Variants in SH3GL2 observed in about 807,000 individuals in gnomAD.
SH3GL2 encodes the protein SH3 domain containing GRB2 like 2, endophilin A1.
Under a neutral mutation model 46.0 loss-of-function variants are expected in SH3GL2, and 24 were observed. The ratio of observed to expected loss-of-function variants is 0.52; its 90% CI spans 0.38 to 0.73. The LOEUF (loss-of-function observed/expected upper bound fraction) is 0.73, where lower values mean the gene tolerates loss of function less well. SH3GL2 is among the 30% of genes least tolerant of loss of function. SH3GL2 has a pLI of 0.00. For synonymous variants in SH3GL2, 196 were observed against 147.1 expected, an observed-to-expected ratio of 1.33 and a Z score of -2.40; for missense variants, 413 against 424.2, an observed-to-expected ratio of 0.97 and a Z score of 0.23.
intron 1 of SH3GL2, among the ~76,000 whole-genome samples, chr9:17,649,081 C>T (rs901765821): frequency 6.6e-6 from 1 of 152,048 alleles, no homozygotes; most frequent in African/African-American, 2.4e-5. Flanking sequence ...AAGGATTAAT[C>T]GTAAGGTTCT....
At chr9:17,754,597 C>T (rs1013040448) in intron 2 of SH3GL2, among the ~76,000 whole-genome samples, 2 of 152,078 alleles carry the variant, frequency 1.3e-5, no homozygotes, top group African/African-American at 2.4e-5. Flanking sequence ...GGCTTGAACC[C>T]AGGAGGTGGA....
intron 1 of SH3GL2, among the ~76,000 whole-genome samples, chr9:17,721,114 GT>G (rs1318764080): frequency 6.6e-6 from 1 of 151,984 alleles, no homozygotes; most frequent in Non-Finnish European, 1.5e-5. Flanking sequence ...GAGTCTCTTT[GT>G]GGCCCTCTAG....
intron 1 of SH3GL2, among the ~76,000 whole-genome samples, chr9:17,739,762 C>T (rs576986197): frequency 6.6e-6 from 1 of 152,264 alleles, no homozygotes; most frequent in African/African-American, 2.4e-5. Flanking sequence ...CATGATCCCT[C>T]TATTATAAAT....
intron 1 of SH3GL2, among the ~76,000 whole-genome samples, chr9:17,735,985 A>G (rs1822323379): frequency 1.3e-5 from 2 of 152,046 alleles, no homozygotes; most frequent in South Asian, 4.1e-4. Flanking sequence ...AGACTCCACA[A>G]TTTCTCGTTT....
intron 1 of SH3GL2, among the ~76,000 whole-genome samples, chr9:17,584,407 G>A (rs1818333127): frequency 1.3e-5 from 2 of 152,178 alleles, no homozygotes; most frequent in Admixed American, 1.3e-4. Flanking sequence ...GGAGGCTGAG[G>A]CAGGAGAATT....
At chr9:17,738,674 A>T (rs942776462) in intron 1 of SH3GL2, among the ~76,000 whole-genome samples, 1 of 147,818 alleles carries the variant, frequency 6.8e-6, no homozygotes, top group East Asian at 2.0e-4. Context: ...AGAGAGAGAG[A>T]TAATTTTATT....
intron 1 of SH3GL2, among the ~76,000 whole-genome samples, chr9:17,646,845 C>T (rs961683271): frequency 6.6e-6 from 1 of 152,180 alleles, no homozygotes; most frequent in African/African-American, 2.4e-5. Context: ...TCAGGAGGCA[C>T]AGGGGTCAGG....
chr9:17,667,676 G>A (rs1411363849), intron 1 of SH3GL2, among the ~76,000 whole-genome samples: 1 of 152,082 alleles, frequency 6.6e-6, no homozygotes, highest in Non-Finnish European at 1.5e-5. Context: ...TATACCTTGA[G>A]GTGGAACTAT....
chr9:17,636,412 C>G (rs1819546428), intron 1 of SH3GL2, among the ~76,000 whole-genome samples: 1 of 152,120 alleles, frequency 6.6e-6, no homozygotes, highest in Non-Finnish European at 1.5e-5. Context: ...GCCCTTCCTG[C>G]TAAACTGTTT....
intron 1 of SH3GL2, among the ~76,000 whole-genome samples, chr9:17,740,435 G>A (rs1419865417): frequency 7.2e-6 from 1 of 139,010 alleles, no homozygotes; most frequent in Admixed American, 7.2e-5. Context: ...TCACTCTCCT[G>A]TTTCCCTCTA....
intron 1 of SH3GL2, among the ~76,000 whole-genome samples, chr9:17,645,264 A>G (rs554255469): frequency 6.7e-6 from 1 of 148,910 alleles, no homozygotes; most frequent in South Asian, 2.1e-4. Context: ...GGGTCTCCTG[A>G]ATACAACACA....
At chr9:17,696,634 T>C (rs1025557904) in intron 1 of SH3GL2, among the ~76,000 whole-genome samples, 3 of 152,032 alleles carry the variant, frequency 2.0e-5, no homozygotes, top group African/African-American at 7.2e-5. Flanking sequence ...CCATCAGATC[T>C]CATGAAAACT....
chr9:17,766,778 T>C (rs1019676736), intron 3 of SH3GL2, among the ~76,000 whole-genome samples: 1 of 152,206 alleles, frequency 6.6e-6, no homozygotes, highest in East Asian at 1.9e-4. Context: ...CTGTGGCCAG[T>C]GGTGCCCGTA....
intron 1 of SH3GL2, chr9:17,735,771 A>G (rs2118452962): frequency 2.0e-6 from 2 of 976,602 alleles, no homozygotes; most frequent in East Asian, 1.1e-4. Flanking sequence ...CTCTTTCCAC[A>G]CATGGAAAGC....
chr9:17,768,902 T>TA, intron 3 of SH3GL2, among the ~76,000 whole-genome samples: 2 of 152,316 alleles, frequency 1.3e-5, no homozygotes, highest in Non-Finnish European at 2.9e-5. Context: ...TGAAAGCACT[T>TA]ATGTGGGTTA....
intron 1 of SH3GL2, among the ~76,000 whole-genome samples, chr9:17,660,476 T>G (rs1293219327): frequency 6.6e-6 from 1 of 152,220 alleles, no homozygotes; most frequent in Non-Finnish European, 1.5e-5. Context: ...AATGTTTTGG[T>G]TGAAAAGTAT....
intron 1 of SH3GL2, chr9:17,735,890 A>G: frequency 4.4e-6 from 1 of 227,590 alleles, no homozygotes; most frequent in South Asian, 1.6e-4. Flanking sequence ...TTACATACTT[A>G]TACCCTGTGG....
At chr9:17,782,456 T>C (rs188246846) in intron 3 of SH3GL2, among the ~76,000 whole-genome samples, 19 of 152,268 alleles carry the variant, frequency 1.2e-4, no homozygotes, top group African/African-American at 4.1e-4. Flanking sequence ...CCATATAGCT[T>C]TTTAGCCTAC....
At chr9:17,718,260 A>T (rs1427385674) in intron 1 of SH3GL2, among the ~76,000 whole-genome samples, 1 of 152,154 alleles carries the variant, frequency 6.6e-6, no homozygotes, top group East Asian at 1.9e-4. Flanking sequence ...TCCCTCACAC[A>T]GTGTTAGAAC....
Sources: allele counts gnomAD v4.1 joint callset (sites outside exome capture counted in the v4.1 genomes callset), GRCh38; gene constraint gnomAD v4.1.1; transcripts MANE v1.5; gene names NCBI Gene and HGNC (gene_info 2026-07-23, HGNC 2026-07-21).